Variants in BASP1 observed in about 807,000 individuals in gnomAD.
BASP1 encodes the protein brain acid soluble protein 1.
In BASP1, 1 loss-of-function variant was observed where a neutral mutation model predicts 2.2. The ratio of observed to expected loss-of-function variants is 0.46; its 90% CI spans 0.16 to 2.17. The LOEUF (loss-of-function observed/expected upper bound fraction) is 2.17. Among genes scored for constraint, BASP1 ranks in the 30% most tolerant of loss-of-function variants. The pLI is 0.27. For synonymous variants in BASP1, 187 were observed against 154.2 expected (o/e 1.21, Z -1.58); for missense variants, 352 against 327.2 (o/e 1.08, Z -0.58).
rs1045451389 is a variant in BASP1, at chr5:17,276,520, G to C, written c.*620G>C. On this transcript the variant is annotated 3_prime_UTR_variant, in exon 2 of 2. Transcript: ENST00000322611. Reference sequence around the variant, plus strand: ...CCATTCTTCCTCTCCAGATATTTTTGGGAGTGACAAACATTCTCTCATCCT... The same window carrying C: ...CCATTCTTCCTCTCCAGATATTTTTCGGAGTGACAAACATTCTCTCATCCT... 2.4e-5 allele frequency: 4 copies of C among 166,368 alleles called. No homozygotes were observed. The highest frequency in any genetic ancestry group is 9.7e-5 in the African/African-American group (4 of 41,202). 10.3% of individuals were successfully genotyped at this position (166,368 alleles called of 1,614,324 possible).
Position 17,263,319 on chromosome 5 carries a change from GA to G in BASP1, c.-9-11888del, listed in dbSNP as rs1322593546. On this transcript the variant is annotated intron_variant, in intron 1 of 1. Transcript: ENST00000322611. ...ATTTCTTTTCTTTCCTTTTCTAATA[GA>G]GACAGGGTCTCACTATTTTGCCCAG... is the stretch of plus-strand genomic sequence containing the variant. Among the ~76,000 whole-genome samples the G allele has an allele frequency of 3.3e-5, 5 of 151,328 alleles. No homozygotes were observed. The East Asian group carries it at 9.7e-4, about 29-fold the overall frequency.
rs145580281 is a variant in BASP1 at position 17,230,814 on chromosome 5, C to T, written c.-10+13004C>T. 5.1e-3 allele frequency among the ~76,000 whole-genome samples: 778 copies of T among 152,158 alleles called. 9 individuals are homozygous for T. The highest frequency in any genetic ancestry group is 0.018 in the African/African-American group (742 of 41,508). ...AACTCCTGACCTCAAATGATCCACC[C>T]GCCTTGGCCTCCCAAAGTGCTGGGA... On this transcript the variant is annotated intron_variant, in intron 1 of 1. Transcript: ENST00000322611.
intron 1 of BASP1, among the ~76,000 whole-genome samples, chr5:17,241,540 T>C (rs1429007177): frequency 6.6e-6 from 1 of 152,232 alleles, no homozygotes; most frequent in Non-Finnish European, 1.5e-5. Context: ...TTAGTTCATG[T>C]TGCATGTCTC....
intron 1 of BASP1, among the ~76,000 whole-genome samples, chr5:17,219,287 C>T (rs1000637005): frequency 6.6e-6 from 1 of 152,206 alleles, no homozygotes; most frequent in African/African-American, 2.4e-5. Context: ...CCACTCCCCT[C>T]CCGAGCCGAG....
intron 1 of BASP1, among the ~76,000 whole-genome samples, chr5:17,261,705 A>G (rs1018656394): frequency 4.6e-5 from 7 of 152,174 alleles, no homozygotes; most frequent in African/African-American, 1.7e-4. Flanking sequence ...CGCTGTCAAG[A>G]TTCCTCCCTC....
intron 1 of BASP1, among the ~76,000 whole-genome samples, chr5:17,263,003 C>G (rs570192867): frequency 5.6e-4 from 85 of 152,246 alleles, no homozygotes; most frequent in Non-Finnish European, 7.6e-4. Context: ...CCCGCCACCA[C>G]GCCCGGCTAA....
intron 1 of BASP1, among the ~76,000 whole-genome samples, chr5:17,242,958 A>C (rs1739898546): frequency 6.6e-6 from 1 of 151,982 alleles, no homozygotes; most frequent in Non-Finnish European, 1.5e-5. Context: ...GTGCTTGTAA[A>C]ATGTTTTTTA....
intron 1 of BASP1, chr5:17,240,534 C>CAATAAAATAAAGTAAAATAAAAT (rs1739842260): frequency 6.6e-6 from 1 of 151,558 alleles, no homozygotes; most frequent in South Asian, 2.1e-4. Flanking sequence ...AGACTCCTCT[C>CAATAAAATAAAGTAAAATAAAAT]AATAAAATAA....
At chr5:17,269,145 A>G (rs1280081633) in intron 1 of BASP1, among the ~76,000 whole-genome samples, 2 of 152,232 alleles carry the variant, frequency 1.3e-5, no homozygotes, top group Admixed American at 1.3e-4. Flanking sequence ...TGACCTAGCT[A>G]TGAAGTTGCT....
intron 1 of BASP1, among the ~76,000 whole-genome samples, chr5:17,221,522 C>G (rs1739394005): frequency 6.6e-6 from 1 of 152,070 alleles, no homozygotes; most frequent in Admixed American, 6.5e-5. Context: ...TTCACATCTT[C>G]TTTCTCTTCT....
chr5:17,272,555 G>A (rs117490181), intron 1 of BASP1, among the ~76,000 whole-genome samples: 1 of 152,274 alleles, frequency 6.6e-6, no homozygotes, highest in East Asian at 1.9e-4. Context: ...GTTAATAGAT[G>A]TTGTAGGCAA....
chr5:17,254,438 A>C (rs373735289), intron 1 of BASP1, among the ~76,000 whole-genome samples: 1 of 152,330 alleles, frequency 6.6e-6, no homozygotes, highest in African/African-American at 2.4e-5. Context: ...ATTCCAAGTA[A>C]AGGAAGATGC....
At chr5:17,245,327 C>G (rs898324285) in intron 1 of BASP1, among the ~76,000 whole-genome samples, 3 of 148,630 alleles carry the variant, frequency 2.0e-5, no homozygotes, top group Non-Finnish European at 3.0e-5. Flanking sequence ...AAAAAAAAAT[C>G]AGTGTTGAAA....
At position 17,243,152 on chromosome 5, in the gene BASP1, C is replaced by CTT. The variant is rs538259932; in HGVS notation, c.-10+25355_-10+25356dup. Among the ~76,000 whole-genome samples, 896 of 141,718 alleles carry CTT rather than the reference C, an allele frequency of 6.3e-3. 15 individuals carry two copies. Among genetic ancestry groups the CTT allele is most frequent in the East Asian group, 0.063 (308 of 4,886 alleles). The allele number at this position is 141,718 out of a possible 152,430, so 93.0% of individuals were successfully genotyped here. A position where few individuals can be genotyped will look rare whatever the true frequency, so the allele number is the denominator to read the frequency against. ...AAAGCCACTGAGACTTAAATTCTTG[C>CTT]TTTTTTTTTTTTTTAAGAGGGAGTC... On this transcript the variant is annotated intron_variant, in intron 1 of 1. Transcript: ENST00000322611.
intron 1 of BASP1, chr5:17,240,574 G>A (rs1355368167): frequency 6.6e-6 from 1 of 152,014 alleles, no homozygotes; most frequent in Non-Finnish European, 1.5e-5. Context: ...ATAAAAAACA[G>A]AGTGAGGTTC....
At chr5:17,237,216 C>A (rs1356761295) in intron 1 of BASP1, among the ~76,000 whole-genome samples, 1 of 151,922 alleles carries the variant, frequency 6.6e-6, no homozygotes, top group Middle Eastern at 3.2e-3. Context: ...TGGTGGTGGG[C>A]GCCTGTAGTC....
chr5:17,234,008 G>A (rs1478330001), intron 1 of BASP1, among the ~76,000 whole-genome samples: 6 of 152,124 alleles, frequency 3.9e-5, no homozygotes, highest in Admixed American at 3.3e-4. Flanking sequence ...GCACACGCCT[G>A]TTGTCTCAGC....
rs1300037363 is a variant in BASP1 at position 17,275,014 on chromosome 5, G to A, written c.-9-194G>A. ...ACGGCATTCCAGCCTGGGTAACATA[G>A]CGAGACCCTGTCTCAAAAATAAATA... On this transcript the variant is annotated intron_variant, in intron 1 of 1. Transcript: ENST00000322611. This position sits in a 1 kb window ranked among gnomAD's most constrained non-coding sequence, Gnocchi z 5.3. 3.3e-5 allele frequency among the ~76,000 whole-genome samples: 5 copies of A among 152,092 alleles called. No individual in the cohort carries two copies. Among genetic ancestry groups the A allele is most frequent in the African/African-American group, 1.2e-4 (5 of 41,428 alleles).
chr5:17,263,015 T>A (rs1740347105), intron 1 of BASP1, among the ~76,000 whole-genome samples: 1 of 152,010 alleles, frequency 6.6e-6, no homozygotes, highest in African/African-American at 2.4e-5. Context: ...CCCGGCTAAT[T>A]TTTTATATTT....
Sources: allele counts gnomAD v4.1 joint callset (sites outside exome capture counted in the v4.1 genomes callset), GRCh38; gene constraint gnomAD v4.1.1; non-coding constraint Gnocchi (gnomAD v3.1); transcripts MANE v1.5; gene names NCBI Gene and HGNC (gene_info 2026-07-23, HGNC 2026-07-21).